Variants in RFTN1 observed in about 807,000 individuals in gnomAD.
RFTN1 encodes raftlin, lipid raft linker 1, also known as raftlin.
In RFTN1, 26 loss-of-function variants were observed where a neutral mutation model predicts 46.5. The ratio of observed to expected loss-of-function variants is 0.56; its 90% confidence interval spans 0.41 to 0.78. The LOEUF is 0.78. Among genes scored for constraint, RFTN1 ranks in the 30% least tolerant of loss-of-function variants. The pLI, the probability that RFTN1 is intolerant of heterozygous loss-of-function variation, is 0.00. For synonymous variants in RFTN1, 261 were observed against 284.2 expected (o/e 0.92, Z 0.82); for missense variants, 693 against 718.7 (o/e 0.96, Z 0.41).
At chr3:16,444,724 G>C (rs1048567442) in intron 2 of RFTN1, among the ~76,000 whole-genome samples, 1 of 152,216 alleles carries the variant, frequency 6.6e-6, no homozygotes. Flanking sequence ...AGCACTTGGC[G>C]AGCCCACCAA....
At chr3:16,419,191 T>C (rs910152041) in intron 3 of RFTN1, among the ~76,000 whole-genome samples, 10 of 152,126 alleles carry the variant, frequency 6.6e-5, no homozygotes, top group Non-Finnish European at 1.3e-4. Flanking sequence ...GAGGCTGTAA[T>C]GATGAGCCTA....
In RFTN1 at chr3:16,400,263, C is replaced by G. The variant is rs80077252; in HGVS notation, c.441+9112G>C. Among the ~76,000 whole-genome samples, 4,536 of 152,206 alleles carry G rather than the reference C, an allele frequency of 0.03. 227 individuals are homozygous for G. Among genetic ancestry groups the G allele is most frequent in the African/African-American group, 0.1 (4,242 of 41,502 alleles). ...TCTGCTCCTCAAACCAAACTTACTC[C>G]CTCCCACCTTGGCTTTGTCTGAGCT... On this transcript the variant is annotated intron_variant, in intron 4 of 9. Coordinates refer to ENST00000334133, the MANE Select transcript of RFTN1 (RefSeq NM_015150.2). The surrounding 1 kb of genome is among the most constrained non-coding windows in gnomAD (Gnocchi z 4.5).
rs2070146897 is a variant in RFTN1, at chr3:16,329,991, T to G, written c.1147-3115A>C. The stretch of plus-strand genomic sequence containing the variant: ...ACAGACTGCAAACCGGCTGCTTCTA[T>G]TTTGCTCCGTTTTATTTCATTTTGT... On this transcript the variant is annotated intron_variant, in intron 7 of 9. Transcript: ENST00000334133. The surrounding 1 kb of genome is among the most constrained non-coding windows in gnomAD (Gnocchi z 4.5). Among the ~76,000 whole-genome samples, 2 of 152,176 alleles carry G rather than the reference T, an allele frequency of 1.3e-5. No individual in the cohort carries two copies. Among genetic ancestry groups the G allele is most frequent in the South Asian group, 4.1e-4 (2 of 4,828 alleles).
intron 6 of RFTN1, among the ~76,000 whole-genome samples, chr3:16,368,370 TA>T (rs2073331044): frequency 6.6e-6 from 1 of 152,172 alleles, no homozygotes; most frequent in African/African-American, 2.4e-5. Context: ...ACATTAGTTG[TA>T]TTAAAGACAC....
At chr3:16,497,745 C>T (rs2124999523) in intron 1 of RFTN1, among the ~76,000 whole-genome samples, 1 of 152,312 alleles carries the variant, frequency 6.6e-6, no homozygotes. Flanking sequence ...AATTACCTTT[C>T]CTAAGTATCT....
At chr3:16,412,103 G>C (rs1263617413) in intron 3 of RFTN1, among the ~76,000 whole-genome samples, 1 of 152,178 alleles carries the variant, frequency 6.6e-6, no homozygotes, top group Non-Finnish European at 1.5e-5. Flanking sequence ...GGGCACAAAA[G>C]ATCAAGAAAA....
In RFTN1 at chr3:16,335,157, G is replaced by A. The variant is rs690555; in HGVS notation, c.1147-8281C>T. 0.67 allele frequency among the ~76,000 whole-genome samples: 101,231 copies of A among 152,148 alleles called. 33,842 individuals carry two copies. Among genetic ancestry groups the A allele is most frequent in the African/African-American group, 0.7 (28,999 of 41,512 alleles). ...GTCACTAAATCTGTGATTTGTTGCC[G>A]CAGCAACAGGAAATTAATCCACAGC... is the stretch of plus-strand genomic sequence containing the variant. On this transcript the variant is annotated intron_variant, in intron 7 of 9. Transcript: ENST00000334133. This position sits in a 1 kb window ranked among gnomAD's most constrained non-coding sequence, Gnocchi z 4.7.
Position 16,493,716 on chromosome 3 carries a change from T to C in RFTN1, c.145+9A>G, listed in dbSNP as rs2076579945. ...CCTGCCCCCATCCATTCCCACCCCATGTACTCACCAGCACTCAGAGTCGTG... is the reference window on the plus strand; with the variant it reads ...CCTGCCCCCATCCATTCCCACCCCACGTACTCACCAGCACTCAGAGTCGTG... On this transcript the variant is annotated intron_variant, in intron 2 of 9. Transcript: ENST00000334133. 5 of 1,482,662 alleles carry C rather than the reference T, an allele frequency of 3.4e-6. No individual in the cohort carries two copies. The highest frequency in any genetic ancestry group is 4.5e-6 in the Non-Finnish European group (5 of 1,101,582). The allele number at this position is 1,482,662 out of a possible 1,614,324, so 91.8% of individuals were successfully genotyped here.
Position 16,382,659 on chromosome 3 carries a change from T to C in RFTN1, c.442-4557A>G, listed in dbSNP as rs1398212797. Among the ~76,000 whole-genome samples the C allele has an allele frequency of 1.3e-5, 2 of 152,186 alleles. No individual in the cohort carries two copies. The highest frequency in any genetic ancestry group is 4.8e-5 in the African/African-American group (2 of 41,432). ...ACGATCACAGCTGACGGGTCCACTG[T>C]TGATCTGGTCTCACCAGCTGGAATC... On this transcript the variant is annotated intron_variant, in intron 4 of 9. Transcript: ENST00000334133. This position sits in a 1 kb window ranked among gnomAD's most constrained non-coding sequence, Gnocchi z 4.7.
In RFTN1 at chr3:16,448,784, A is replaced by G. The variant is rs537869276; in HGVS notation, c.146-14747T>C. On this transcript the variant is annotated intron_variant, in intron 2 of 9. Coordinates refer to ENST00000334133, the MANE Select transcript of RFTN1 (RefSeq NM_015150.2). This position sits in a 1 kb window ranked among gnomAD's most constrained non-coding sequence, Gnocchi z 4.1. Reference sequence around the variant, plus strand: ...GCCCCAAACATCCTCCTGAGTCACAAGTCTCACCCCATGCGGGGATTACAG... The same window carrying G: ...GCCCCAAACATCCTCCTGAGTCACAGGTCTCACCCCATGCGGGGATTACAG... Among the ~76,000 whole-genome samples, 15 of 152,280 alleles carry G rather than the reference A, an allele frequency of 9.9e-5. No homozygotes were observed. The highest frequency in any genetic ancestry group is 3.6e-4 in the African/African-American group (15 of 41,558).
intron 2 of RFTN1, among the ~76,000 whole-genome samples, chr3:16,492,650 G>A (rs2076557372): frequency 6.6e-6 from 1 of 152,190 alleles, no homozygotes; most frequent in Non-Finnish European, 1.5e-5. Context: ...ATTACATAGT[G>A]CCCAGTTTTT....
chr3:16,471,797 T>C (rs1260846684), intron 2 of RFTN1, among the ~76,000 whole-genome samples: 1 of 152,264 alleles, frequency 6.6e-6, no homozygotes, highest in African/African-American at 2.4e-5. Flanking sequence ...CAGAATATTT[T>C]ATTTTTAAAC....
chr3:16,420,590 C>G (rs1333960598), intron 3 of RFTN1, among the ~76,000 whole-genome samples: 1 of 152,176 alleles, frequency 6.6e-6, no homozygotes, highest in African/African-American at 2.4e-5. Flanking sequence ...CCCAAATCAT[C>G]CCACCTATAC....
At chr3:16,456,802 C>A (rs539130947) in intron 2 of RFTN1, among the ~76,000 whole-genome samples, 1 of 152,026 alleles carries the variant, frequency 6.6e-6, no homozygotes, top group South Asian at 2.1e-4. Context: ...GTGGAAAAGG[C>A]GAACAAAGGT....
chr3:16,390,166 A>G (rs1195838353), intron 4 of RFTN1, among the ~76,000 whole-genome samples: 1 of 152,262 alleles, frequency 6.6e-6, no homozygotes, highest in Non-Finnish European at 1.5e-5. Context: ...TATTGTTTAA[A>G]GCCAATATGT....
intron 2 of RFTN1, 141 bp downstream of exon 2, chr3:16,493,584 G>A (rs1364594698): frequency 9.0e-6 from 7 of 780,636 alleles, no homozygotes; most frequent in Middle Eastern, 3.8e-4. Flanking sequence ...ATCTCTGTAA[G>A]CCGCCCCCTT....
rs1445288356 is a variant in RFTN1 at position 16,484,798 on chromosome 3, G to T, written c.145+8927C>A. The T allele has an allele frequency of 6.6e-6, 1 of 152,222 alleles. No homozygotes were observed. The allele number at this position is 152,222 out of a possible 1,614,324, so 9.4% of individuals were successfully genotyped here. A position where few individuals can be genotyped will look rare whatever the true frequency, so the allele number is the denominator to read the frequency against. On this transcript the variant is annotated intron_variant, in intron 2 of 9. Coordinates refer to ENST00000334133, the MANE Select transcript of RFTN1 (RefSeq NM_015150.2). The surrounding 1 kb of genome is among the most constrained non-coding windows in gnomAD (Gnocchi z 4.6). ...GTAAAACTACAAGATATCCTGCAAA[G>T]CTCCAAGTGCTTGGTGGCCTAGCAA...
chr3:16,367,842 C>T (rs767319396), intron 6 of RFTN1, among the ~76,000 whole-genome samples: 5 of 152,080 alleles, frequency 3.3e-5, no homozygotes, highest in Admixed American at 6.5e-5. Flanking sequence ...TCCAAGTGTT[C>T]TTTCTTGGAG....
rs776276852 is a variant in RFTN1 at position 16,475,564 on chromosome 3, T to C, written c.145+18161A>G. Among the ~76,000 whole-genome samples the C allele has an allele frequency of 7.2e-5, 11 of 152,220 alleles. No individual in the cohort carries two copies. Among genetic ancestry groups the C allele is most frequent in the Non-Finnish European group, 1.5e-4 (10 of 68,032 alleles). On this transcript the variant is annotated intron_variant, in intron 2 of 9. Coordinates refer to ENST00000334133, the MANE Select transcript of RFTN1 (RefSeq NM_015150.2). The surrounding 1 kb of genome is among the most constrained non-coding windows in gnomAD (Gnocchi z 4.2). ...CCACAGGGAAACTGGACTGGTGCCATTGCTGCCATACAACAGGGGCAGAGA... is the reference window on the plus strand; with the variant it reads ...CCACAGGGAAACTGGACTGGTGCCACTGCTGCCATACAACAGGGGCAGAGA...
Sources: allele counts gnomAD v4.1 joint callset (sites outside exome capture counted in the v4.1 genomes callset), GRCh38; gene constraint gnomAD v4.1.1; non-coding constraint Gnocchi (gnomAD v3.1); transcripts MANE v1.5; gene names NCBI Gene and HGNC (gene_info 2026-07-23, HGNC 2026-07-21).